The following ZFAT variants were observed in gnomAD, a reference collection of about 807,000 sequenced individuals.
The protein encoded by ZFAT is zinc finger protein ZFAT.
Under a neutral mutation model 117.7 loss-of-function variants are expected in ZFAT, and 64 were observed. That is an observed-to-expected ratio of 0.54 (90% CI 0.44 to 0.67). ZFAT has a LOEUF of 0.67. ZFAT is among the 30% of genes least tolerant of loss of function. ZFAT has a pLI of 0.00. For synonymous variants in ZFAT, 679 were observed against 615.0 expected, an observed-to-expected ratio of 1.10 and a Z score of -1.54; for missense variants, 1,433 against 1,584.5, an observed-to-expected ratio of 0.90 and a Z score of 1.62.
chr8:134,593,799 T>C (rs982049613), intron 7 of ZFAT, among the ~76,000 whole-genome samples: 19 of 152,236 alleles, frequency 1.2e-4, no homozygotes, highest in African/African-American at 4.3e-4. Context: ...CTTTCCTCCA[T>C]GGACTCACTC....
chr8:134,590,335 A>G lies in ZFAT; in HGVS notation c.2496T>C (p.Cys832=), dbSNP rs1826370774. 6.2e-7 allele frequency: 1 copy of G among 1,612,966 alleles called. No individual in the cohort carries two copies. Among genetic ancestry groups the G allele is most frequent in the Non-Finnish European group, 8.5e-7 (1 of 1,179,086 alleles). The change falls in exon 8 of 16, where the codon TGT becomes TGC. Residue 832 remains cysteine (C), a synonymous_variant. Coordinates refer to ENST00000377838, the MANE Select transcript of ZFAT (RefSeq NM_020863.4). Reference sequence around the variant, plus strand: ...CTGAAAAAGACTTTTCACAAACAGGACAAGAATAACTCCTTTTGTCCTTAA... The same window carrying G: ...CTGAAAAAGACTTTTCACAAACAGGGCAAGAATAACTCCTTTTGTCCTTAA... ...HTALDKRSYS[C]PVCEKSFSED...
chr8:134,665,732 C>A (rs77936467), intron 1 of ZFAT, among the ~76,000 whole-genome samples: 3,819 of 152,212 alleles, frequency 0.025, 67 homozygotes, highest in Non-Finnish European at 0.04. Flanking sequence ...TTTTGCTGTG[C>A]ATCACAGAGA....
chr8:134,766,452 T>C, the ZFAT span: 2 of 152,222 alleles, frequency 1.3e-5, no homozygotes, highest in African/African-American at 4.8e-5. Flanking sequence ...TCAACCATCA[T>C]TAACTCATGG....
intron 11 of ZFAT, among the ~76,000 whole-genome samples, chr8:134,536,994 A>G (rs772075959): frequency 6.6e-6 from 1 of 152,236 alleles, no homozygotes; most frequent in Admixed American, 6.5e-5. Context: ...CAAGACAGGG[A>G]GCCCATTAGC....
chr8:134,712,903 C>A lies in ZFAT; in HGVS notation c.-40G>T. On this transcript the variant is annotated 5_prime_UTR_variant, in exon 1 of 16. An upstream open reading frame in the 5' UTR gains an earlier in-frame stop. Coordinates refer to ENST00000377838, the MANE Select transcript of ZFAT (RefSeq NM_020863.4). Reference sequence around the variant, plus strand: ...GCGGAGGAAAAAAAAGCCTCGGGCTCTTCCGGGCCCCCTCCCGTGCCGACC... The same window carrying A: ...GCGGAGGAAAAAAAAGCCTCGGGCTATTCCGGGCCCCCTCCCGTGCCGACC... The A allele has an allele frequency of 1.3e-6, 2 of 1,491,354 alleles. No individual in the cohort carries two copies. Among genetic ancestry groups the A allele is most frequent in the South Asian group, 1.3e-5 (1 of 78,826 alleles). The allele number at this position is 1,491,354 out of a possible 1,614,324, so 92.4% of individuals were successfully genotyped here.
the ZFAT span, among the ~76,000 whole-genome samples, chr8:134,758,253 C>A: frequency 6.6e-6 from 1 of 152,110 alleles, no homozygotes; most frequent in Non-Finnish European, 1.5e-5. Context: ...AAAGCATGAT[C>A]CTGGGTATGA....
At chr8:134,740,868 C>T in the ZFAT span, among the ~76,000 whole-genome samples, 5 of 152,184 alleles carry the variant, frequency 3.3e-5, no homozygotes, top group Non-Finnish European at 5.9e-5. Flanking sequence ...AGCCCCATAA[C>T]ATAAGATGAA....
intron 12 of ZFAT, among the ~76,000 whole-genome samples, chr8:134,530,663 T>C (rs1821338490): frequency 6.6e-6 from 1 of 152,142 alleles, no homozygotes; most frequent in South Asian, 2.1e-4. Flanking sequence ...CATATGCATA[T>C]GCAAATGCTA....
chr8:134,486,857 T>C (rs1432463524), intron 15 of ZFAT, among the ~76,000 whole-genome samples: 2 of 152,014 alleles, frequency 1.3e-5, no homozygotes, highest in Non-Finnish European at 2.9e-5. Context: ...GCAGTGTGCA[T>C]AGGGGTGAGG....
chr8:134,674,624 G>C (rs953179986), intron 1 of ZFAT: 1 of 154,894 alleles, frequency 6.5e-6, no homozygotes. Flanking sequence ...CCAGAATGGC[G>C]TTTGAACTCT....
At chr8:134,612,739 A>G (rs1001754840) in intron 3 of ZFAT, among the ~76,000 whole-genome samples, 2 of 152,240 alleles carry the variant, frequency 1.3e-5, no homozygotes, top group Admixed American at 1.3e-4. Flanking sequence ...GAACGAATAG[A>G]TGAGATCATG....
the ZFAT span, among the ~76,000 whole-genome samples, chr8:134,767,791 C>T: frequency 1.3e-5 from 2 of 152,206 alleles, no homozygotes. Flanking sequence ...TAGTTATCTA[C>T]AATTTTTACT....
At chr8:134,660,126 T>C (rs1205652173) in intron 1 of ZFAT, among the ~76,000 whole-genome samples, 1 of 152,206 alleles carries the variant, frequency 6.6e-6, no homozygotes, top group Admixed American at 6.5e-5. Context: ...ATGTGCTTCT[T>C]GCTAATCCTA....
intron 1 of ZFAT, among the ~76,000 whole-genome samples, chr8:134,670,622 T>C (rs1832512543): frequency 1.3e-5 from 2 of 152,248 alleles, no homozygotes; most frequent in South Asian, 2.1e-4. Context: ...GGGAAATTTA[T>C]AGCACTAAAT....
Position 134,520,772 on chromosome 8 carries a change from A to G in ZFAT, c.3234+111T>C, listed in dbSNP as rs868697926. The G allele has an allele frequency of 4.8e-5, 40 of 836,130 alleles. No homozygotes were observed. In the Middle Eastern group the frequency reaches 4.8e-3, roughly 101 times the overall value. 51.8% of individuals were successfully genotyped at this position (836,130 alleles called of 1,614,324 possible). On this transcript the variant is annotated intron_variant, in intron 13 of 15. Transcript: ENST00000377838. ...AAAACGTTTCAGAAGTTCCCCAAAC[A>G]GAAAATCTAATGTTCTGAGGAATGA...
chr8:134,509,969 G>A, intron 14 of ZFAT: 1 of 581,858 alleles, frequency 1.7e-6, no homozygotes, highest in Non-Finnish European at 3.1e-6. Context: ...GCAACCCTGT[G>A]AGGATGGGAC....
chr8:134,664,010 C>G (rs1265299160), intron 1 of ZFAT, among the ~76,000 whole-genome samples: 2 of 152,154 alleles, frequency 1.3e-5, no homozygotes, highest in Non-Finnish European at 2.9e-5. Context: ...AAAGCCTTGG[C>G]TGAAGTGCCT....
At chr8:134,507,062 T>C (rs1046445473) in intron 15 of ZFAT, among the ~76,000 whole-genome samples, 2 of 152,236 alleles carry the variant, frequency 1.3e-5, no homozygotes, top group Non-Finnish European at 1.5e-5. Flanking sequence ...AGAAAGCCCC[T>C]GACATCAAGG....
chr8:134,818,023 G>A, the ZFAT span, among the ~76,000 whole-genome samples: 1 of 152,096 alleles, frequency 6.6e-6, no homozygotes, highest in South Asian at 2.1e-4. Flanking sequence ...TATTTAGATA[G>A]AAAACCTAAA....
Sources: gnomAD v4.1 joint callset for allele counts (sites outside exome capture counted in the v4.1 genomes callset) on GRCh38, gnomAD v4.1.1 for gene constraint, MANE v1.5 for transcripts, NCBI Gene and HGNC (gene_info 2026-07-23, HGNC 2026-07-21) for gene names.